The following AIFM1 variants were observed in gnomAD, a reference collection of about 807,000 sequenced individuals.
The protein encoded by AIFM1 is apoptosis-inducing factor 1, mitochondrial.
In AIFM1, 3 loss-of-function variants were observed where a neutral mutation model predicts 51.7. The observed-to-expected ratio is 0.06, with a 90% CI of 0.03 to 0.15. The LOEUF is 0.15. Among genes scored for constraint, AIFM1 ranks in the 10% least tolerant of loss-of-function variants. The pLI is 1.00. For missense variants in AIFM1, 330 were observed against 476.8 expected (o/e 0.69, Z 2.87); for synonymous variants, 178 against 179.4 (o/e 0.99, Z 0.06).
At chrX:130,165,528 G>T (rs1303226236) in intron 1 of AIFM1, 23 bp downstream of exon 1, 1 of 1,162,111 alleles carries the variant, frequency 8.6e-7, no homozygotes, top group Non-Finnish European at 1.2e-6. Context: ...GGACTTGGAG[G>T]TTGCCTGGAA....
At chrX:130,159,272 T>A (rs1010030779) in intron 1 of AIFM1, among the ~76,000 whole-genome samples, 11 of 112,442 alleles carry the variant, frequency 9.8e-5, no homozygotes, top group African/African-American at 3.6e-4. Context: ...AGACTTTAGA[T>A]CTACACTCTT....
chrX:130,140,625 A>G lies in AIFM1; in HGVS notation c.697-8T>C. Reference sequence around the variant, plus strand: ...CACATCCAGCTGTACTACCTGGTACAGTCACACACATACACAAAAGAGGTA... The same window carrying G: ...CACATCCAGCTGTACTACCTGGTACGGTCACACACATACACAAAAGAGGTA... On this transcript the variant is annotated splice_region_variant and splice_polypyrimidine_tract_variant and intron_variant, in intron 6 of 15. Transcript: ENST00000287295. 1 of 1,169,405 alleles carries G rather than the reference A, an allele frequency of 8.6e-7. No individual in the cohort carries two copies. Among genetic ancestry groups the G allele is most frequent in the Non-Finnish European group, 1.2e-6 (1 of 859,205 alleles).
At chrX:130,156,744 AACTGCATATATAAATACT>A in intron 1 of AIFM1, 141 bp from the exon 2 acceptor site, 1 of 678,094 alleles carries the variant, frequency 1.5e-6, no homozygotes, top group South Asian at 2.5e-5. Flanking sequence ...ATATCATCAA[AACTGCATATATAAATACT>A]ACAGACAGCT....
Position 130,136,183 on chromosome X carries a change from T to C in AIFM1, c.1167A>G (p.Val389=). The C allele has an allele frequency of 8.2e-7, 1 of 1,212,135 alleles. No homozygotes were observed. Among genetic ancestry groups the C allele is most frequent in the East Asian group, 3.0e-5 (1 of 33,875 alleles). ...CAGCTGCCACTATGTGGTCAGTTTC[T>C]ACCTGAGGCAAAAAAGAAATAATTC... ...LLIKLKDGRK[V]ETDHIVAAVG... Residue 389 remains valine, a splice_region_variant and synonymous_variant, in exon 12 of 16, where the codon GTA becomes GTG. Coordinates refer to ENST00000287295, the MANE Select transcript of AIFM1 (RefSeq NM_004208.4).
At chrX:130,154,044 A>G (rs575155007) in intron 2 of AIFM1, among the ~76,000 whole-genome samples, 2 of 112,684 alleles carry the variant, frequency 1.8e-5, no homozygotes, top group African/African-American at 6.4e-5. Context: ...CAAGTTTTCA[A>G]TAATTTAGAA....
At chrX:130,161,929 A>G (rs1490148960) in intron 1 of AIFM1, among the ~76,000 whole-genome samples, 1 of 112,097 alleles carries the variant, frequency 8.9e-6, no homozygotes, top group Non-Finnish European at 1.9e-5. Flanking sequence ...TAATTTTTTA[A>G]TATCAACCCT....
Position 130,130,103 on chromosome X carries a change from C to G in AIFM1, c.1637G>C (p.Ser546Thr), listed in dbSNP as rs2030001600. The change falls in exon 15 of 16, where the codon AGC becomes ACC. Residue 546 changes from serine to threonine, a missense_variant. Around this residue, in one of 4 missense-constraint regions of AIFM1, gnomAD observed 56 missense variants for 48.8 expected, o/e 1.15. Transcript: ENST00000287295. ...GGGAGCCTGTGGAACTGCCGGGGTGCTGGGAGGAATAGTAATTTCTGAGGC... is the reference window on the plus strand; with the variant it reads ...GGGAGCCTGTGGAACTGCCGGGGTGGTGGGAGGAATAGTAATTTCTGAGGC... ...SEASEITIPP[S>T]TPAVPQAPVQ... The G allele has an allele frequency of 8.3e-7, 1 of 1,209,987 alleles. No homozygotes were observed.
chrX:130,145,695 A>AGTCTGGT (rs2030726284), intron 5 of AIFM1, 126 bp from the exon 6 acceptor site: 2 of 531,219 alleles, frequency 3.8e-6, no homozygotes, highest in East Asian at 7.7e-5. Flanking sequence ...TAAGTCTCCA[A>AGTCTGGT]GTCTATTAAA....
chrX:130,139,992 T>A, intron 7 of AIFM1, 121 bp from the exon 8 acceptor site: 2 of 619,252 alleles, frequency 3.2e-6, no homozygotes, highest in Non-Finnish European at 5.4e-6. Flanking sequence ...AACAACAGGA[T>A]AGGATACCAA....
At chrX:130,129,795 C>G (rs922983457) in intron 15 of AIFM1, among the ~76,000 whole-genome samples, 167 bp from the exon 16 acceptor site, 2 of 111,788 alleles carry the variant, frequency 1.8e-5, no homozygotes, top group African/African-American at 6.5e-5. Context: ...CCAGGTCACC[C>G]AGCCAAGTCC....
At chrX:130,146,960 G>C (rs2030782318) in intron 5 of AIFM1, among the ~76,000 whole-genome samples, 1 of 111,958 alleles carries the variant, frequency 8.9e-6, no homozygotes, top group South Asian at 3.7e-4. Flanking sequence ...AGGAGATCGA[G>C]ACCATCTTGG....
Position 130,137,125 on chromosome X carries a change from A to T in AIFM1, c.1028T>A (p.Ile343Asn). The T allele has an allele frequency of 1.7e-6, 2 of 1,211,063 alleles. No individual in the cohort carries two copies. Among genetic ancestry groups the T allele is most frequent in the Non-Finnish European group, 2.2e-6 (2 of 895,313 alleles). The change falls in exon 10 of 16, where the codon ATC becomes AAC. Residue 343 changes from isoleucine to asparagine, a missense_variant. Transcript: ENST00000287295. Reference sequence around the variant, plus strand: ...CCAGTTGCTGAGGTATTCGGGGAGGATCTTTCCCATATTTCCTTTCTCGGG... The same window carrying T: ...CCAGTTGCTGAGGTATTCGGGGAGGTTCTTTCCCATATTTCCTTTCTCGGG... ...LFPEKGNMGKILPEYLSNWTM... is the reference protein window; with the variant it reads ...LFPEKGNMGKNLPEYLSNWTM...
At chrX:130,163,019 G>A (rs2031400374) in intron 1 of AIFM1, among the ~76,000 whole-genome samples, 2 of 111,675 alleles carry the variant, frequency 1.8e-5, no homozygotes, top group East Asian at 2.8e-4. Flanking sequence ...TGACAATGGT[G>A]ACAGATGTCA....
chrX:130,129,483 T>C lies in AIFM1; in HGVS notation c.*74A>G. ...TCATACACAGAGAAAGTCTGCTGAATAAAAAAATGCTCCTTTACCCATTCG... is the reference window on the plus strand; with the variant it reads ...TCATACACAGAGAAAGTCTGCTGAACAAAAAAATGCTCCTTTACCCATTCG... On this transcript the variant is annotated 3_prime_UTR_variant, in exon 16 of 16. Coordinates refer to ENST00000287295, the MANE Select transcript of AIFM1 (RefSeq NM_004208.4). The C allele has an allele frequency of 1.1e-6, 1 of 872,393 alleles. No homozygotes were observed. The highest frequency in any genetic ancestry group is 2.2e-5 in the Admixed American group (1 of 45,563). The allele number at this position is 872,393 out of a possible 1,213,427, so 71.9% of individuals were successfully genotyped here.
intron 15 of AIFM1, 82 bp downstream of exon 15, chrX:130,129,888 T>C: frequency 8.8e-7 from 1 of 1,133,162 alleles, no homozygotes; most frequent in Non-Finnish European, 1.2e-6. Flanking sequence ...GGACAATGCA[T>C]CTCAGGGCAC....
intron 5 of AIFM1, among the ~76,000 whole-genome samples, chrX:130,146,314 C>T (rs998780232): frequency 9.2e-6 from 1 of 109,008 alleles, no homozygotes. Context: ...CGTGGTGGTA[C>T]GCACCTGTAG....
intron 2 of AIFM1, among the ~76,000 whole-genome samples, chrX:130,153,308 G>A (rs1003173398): frequency 2.5e-4 from 24 of 96,690 alleles, no homozygotes; most frequent in Non-Finnish European, 4.5e-4. Context: ...AGCCGAGATC[G>A]CGCCACTGCA....
chrX:130,142,133 G>A (rs1330849912), intron 6 of AIFM1, among the ~76,000 whole-genome samples: 1 of 111,887 alleles, frequency 8.9e-6, no homozygotes, highest in Non-Finnish European at 1.9e-5. Context: ...GAGTTTAGTG[G>A]CCAAGACAAT....
intron 1 of AIFM1, among the ~76,000 whole-genome samples, chrX:130,164,863 A>AGTGG (rs2031477845): frequency 9.0e-6 from 1 of 111,651 alleles, no homozygotes; most frequent in Non-Finnish European, 1.9e-5. Context: ...CTATAAAATG[A>AGTGG]GTGGGTTGAC....
Sources: gnomAD v4.1 joint callset for allele counts (sites outside exome capture counted in the v4.1 genomes callset) on GRCh38, gnomAD v4.1.1 for gene constraint, gnomAD v4.1.1 regional missense constraint, MANE v1.5 for transcripts, NCBI Gene and HGNC (gene_info 2026-07-23, HGNC 2026-07-21) for gene names.